Variants in UGT2B17 observed in about 807,000 individuals in gnomAD.
The protein encoded by UGT2B17 is UDP glucuronosyltransferase family 2 member B17, also known as UDP-glucuronosyltransferase 2B17.
UGT2B17 carries 21 observed loss-of-function variants against 48.2 expected under a neutral mutation model. The observed-to-expected ratio is 0.44, with a 90% confidence interval of 0.31 to 0.63. The LOEUF (loss-of-function observed/expected upper bound fraction) is 0.63, where lower values mean the gene tolerates loss of function less well. Ranked by LOEUF, UGT2B17 falls within the 20% of genes least tolerant of loss-of-function variation. UGT2B17 has a pLI of 0.08. For missense variants in UGT2B17, 402 were observed against 696.1 expected, an observed-to-expected ratio of 0.58 and a Z score of 4.75; for synonymous variants, 146 against 238.4, an observed-to-expected ratio of 0.61 and a Z score of 3.57.
In UGT2B17 at chr4:68,566,037, A is replaced by C; in HGVS notation, c.725-317T>G. Among the ~76,000 whole-genome samples, 2 of 118,446 alleles carry C rather than the reference A, an allele frequency of 1.7e-5. 1 individual carries two copies. The highest frequency in any genetic ancestry group is 3.5e-5 in the Non-Finnish European group (2 of 57,624). The allele number at this position is 118,446 out of a possible 152,430, so 77.7% of individuals were successfully genotyped here. ...TAATATTTAATAAAGTTTAATATTT[A>C]ATATTAATAAAATTTTATTAATTTT... On this transcript the variant is annotated intron_variant, in intron 2 of 6. Transcript: ENST00000317746.
intron 1 of UGT2B17, among the ~76,000 whole-genome samples, chr4:68,570,616 A>T (rs1160155055): frequency 7.9e-6 from 1 of 125,810 alleles, no homozygotes; most frequent in East Asian, 7.6e-4. Flanking sequence ...TTTTTTACTT[A>T]TGTCTTTTTG....
chr4:68,568,322 C>G lies in UGT2B17; in HGVS notation c.163G>C (p.Val55Leu). Residue 55 changes from valine to leucine, a missense_variant, in exon 2 of 7, where the codon GTG becomes CTG. By Grantham distance (32) the Val-to-Leu change is conservative. Coordinates refer to ENST00000317746, the MANE Select transcript of UGT2B17 (RefSeq NM_001077.4). Reference sequence around the variant, plus strand: ...AGAATAGAAGCCGAAGATGTCAACACAATCACCTCATGACCCCTCTGAACA... The same window carrying G: ...AGAATAGAAGCCGAAGATGTCAACAGAATCACCTCATGACCCCTCTGAACA... ...ELVQRGHEVI[V>L]LTSSASILVN... 7.3e-7 allele frequency: 1 copy of G among 1,379,196 alleles called. No individual in the cohort carries two copies. The allele number at this position is 1,379,196 out of a possible 1,614,324, so 85.4% of individuals were successfully genotyped here. A position where few individuals can be genotyped will look rare whatever the true frequency, so the allele number is the denominator to read the frequency against.
intron 1 of UGT2B17, among the ~76,000 whole-genome samples, chr4:68,570,902 T>TA (rs1196300238): frequency 7.9e-6 from 1 of 126,674 alleles, no homozygotes; most frequent in Non-Finnish European, 1.7e-5. Flanking sequence ...ATGTCTTTAA[T>TA]AACTTGCCTG....
chr4:68,538,245 T>TA (rs11407631), intron 6 of UGT2B17, among the ~76,000 whole-genome samples: 108,802 of 121,596 alleles, frequency 0.89, 51,676 homozygotes, highest in Non-Finnish European at 0.99. Context: ...TTTTAGTTTT[T>TA]TTTTTTTTTG....
intron 6 of UGT2B17, among the ~76,000 whole-genome samples, chr4:68,540,727 C>A (rs1336087785): frequency 1.6e-5 from 2 of 125,872 alleles, no homozygotes; most frequent in African/African-American, 5.4e-5. Flanking sequence ...TGGTTTGCAG[C>A]ACCTATCAAT....
Position 68,550,628 on chromosome 4 carries a change from G to C in UGT2B17, c.1313+49C>G. On this transcript the variant is annotated intron_variant, in intron 6 of 6. Transcript: ENST00000317746. Reference sequence around the variant, plus strand: ...AGGGTTCAAACTCATATTCACTGTTGACAAAATAATTTGTAAGTACCACCT... The same window carrying C: ...AGGGTTCAAACTCATATTCACTGTTCACAAAATAATTTGTAAGTACCACCT... 3 of 1,300,936 alleles carry C rather than the reference G, an allele frequency of 2.3e-6. 1 individual carries two copies. The highest frequency in any genetic ancestry group is 3.0e-6 in the Non-Finnish European group (3 of 994,488). The allele number at this position is 1,300,936 out of a possible 1,614,324, so 80.6% of individuals were successfully genotyped here. A position where few individuals can be genotyped will look rare whatever the true frequency, so the allele number is the denominator to read the frequency against.
chr4:68,545,140 C>T (rs1339744978), intron 6 of UGT2B17, among the ~76,000 whole-genome samples: 1 of 125,816 alleles, frequency 7.9e-6, no homozygotes, highest in Non-Finnish European at 1.7e-5. Context: ...AGCACCACAC[C>T]ACACCAACTC....
At chr4:68,550,608 T>C (rs1730896033) in intron 6 of UGT2B17, 69 bp downstream of exon 6, 2 of 1,192,702 alleles carry the variant, frequency 1.7e-6, no homozygotes, top group African/African-American at 1.5e-5. Flanking sequence ...AACAAAGGGT[T>C]CAAACTCATA....
At chr4:68,545,179 G>A (rs1367519960) in intron 6 of UGT2B17, among the ~76,000 whole-genome samples, 1 of 125,700 alleles carries the variant, frequency 8.0e-6, no homozygotes, top group African/African-American at 2.7e-5. Context: ...TGGAAGTAAA[G>A]CACTCCTCAG....
chr4:68,553,924 G>T (rs1730958792), intron 4 of UGT2B17, among the ~76,000 whole-genome samples: 1 of 123,328 alleles, frequency 8.1e-6, no homozygotes, highest in Non-Finnish European at 1.7e-5. Context: ...CAGGCAAAAG[G>T]CACCCCTAAG....
intron 4 of UGT2B17, among the ~76,000 whole-genome samples, chr4:68,559,073 A>G (rs1174501708): frequency 8.0e-6 from 1 of 125,646 alleles, no homozygotes; most frequent in African/African-American, 2.7e-5. Flanking sequence ...AATAACCTAT[A>G]TATTTATTTT....
chr4:68,557,350 T>C (rs1207970676), intron 4 of UGT2B17, among the ~76,000 whole-genome samples: 1 of 124,520 alleles, frequency 8.0e-6, no homozygotes, highest in Non-Finnish European at 1.7e-5. Context: ...AAAAAGTTTT[T>C]GATAATTTTG....
chr4:68,568,509 T>C lies in UGT2B17; in HGVS notation c.-25A>G, dbSNP rs72551388. ...TCCTGGTCTTATGCAGTGCTTCTTT[T>C]CCAGTTGTTGTTTCTTTCTGTCATT... On this transcript the variant is annotated 5_prime_UTR_variant, in exon 2 of 7. Transcript: ENST00000317746. 2.2e-3 allele frequency: 2,858 copies of C among 1,295,380 alleles called. 598 individuals are homozygous for C. In the African/African-American group the frequency reaches 0.04, roughly 18 times the overall value. The allele number at this position is 1,295,380 out of a possible 1,614,324, so 80.2% of individuals were successfully genotyped here.
At position 68,566,437 on chromosome 4, in the gene UGT2B17, C is replaced by T. The variant is rs1318367618; in HGVS notation, c.725-717G>A. Among the ~76,000 whole-genome samples the T allele has an allele frequency of 1.7e-5, 2 of 118,646 alleles. 1 individual carries two copies. The highest frequency in any genetic ancestry group is 1.6e-3 in the East Asian group (2 of 1,218). 77.8% of individuals were successfully genotyped at this position (118,646 alleles called of 152,430 possible). A position where few individuals can be genotyped will look rare whatever the true frequency, so the allele number is the denominator to read the frequency against. The stretch of plus-strand genomic sequence containing the variant: ...TATAATCCCCATAATCCCCATGTGT[C>T]GAGGGAGGGACCCAGTGGCAGGTGA... On this transcript the variant is annotated intron_variant, in intron 2 of 6. Transcript: ENST00000317746.
chr4:68,572,233 C>T lies in UGT2B17; in HGVS notation c.-64-3685G>A, dbSNP rs138508612. Among the ~76,000 whole-genome samples the T allele has an allele frequency of 5.0e-4, 63 of 125,924 alleles. 11 individuals carry two copies. The highest frequency in any genetic ancestry group is 1.2e-3 in the African/African-American group (45 of 36,848). 82.6% of individuals were successfully genotyped at this position (125,924 alleles called of 152,430 possible). ...GTTTCATGCTGCTTACTATTAATAG[C>T]GGCACAAGTGTCAAATTTTAAGGTT... On this transcript the variant is annotated intron_variant, in intron 1 of 6. Transcript: ENST00000317746.
At position 68,538,408 on chromosome 4, in the gene UGT2B17, T is replaced by A. The variant is rs1306648891; in HGVS notation, c.1314-504A>T. Reference sequence around the variant, plus strand: ...CACCACCATGCCTGGCTATATTTTTTATTTTTTACATTTTTAGATATGAGG... The same window carrying A: ...CACCACCATGCCTGGCTATATTTTTAATTTTTTACATTTTTAGATATGAGG... On this transcript the variant is annotated intron_variant, in intron 6 of 6. Coordinates refer to ENST00000317746, the MANE Select transcript of UGT2B17 (RefSeq NM_001077.4). 1.6e-5 allele frequency among the ~76,000 whole-genome samples: 2 copies of A among 124,062 alleles called. 1 individual carries two copies. Among genetic ancestry groups the A allele is most frequent in the Non-Finnish European group, 3.4e-5 (2 of 59,034 alleles). The allele number at this position is 124,062 out of a possible 152,430, so 81.4% of individuals were successfully genotyped here.
intron 6 of UGT2B17, among the ~76,000 whole-genome samples, chr4:68,541,692 T>C (rs1285744107): frequency 7.9e-6 from 1 of 126,926 alleles, no homozygotes; most frequent in African/African-American, 2.7e-5. Flanking sequence ...TAATTGCTTT[T>C]GGTGTTTGTG....
At chr4:68,552,898 T>A (rs1189943636) in intron 4 of UGT2B17, among the ~76,000 whole-genome samples, 1 of 124,510 alleles carries the variant, frequency 8.0e-6, no homozygotes, top group Non-Finnish European at 1.7e-5. Context: ...ATTTCCTGTT[T>A]CCATGACAAT....
At chr4:68,553,802 T>C (rs1730956183) in intron 4 of UGT2B17, among the ~76,000 whole-genome samples, 1 of 120,994 alleles carries the variant, frequency 8.3e-6, no homozygotes, top group Non-Finnish European at 1.7e-5. Flanking sequence ...CCCAAATTAA[T>C]CTCATTTGGC....
Sources: gnomAD v4.1 joint callset for allele counts (sites outside exome capture counted in the v4.1 genomes callset) on GRCh38, gnomAD v4.1.1 for gene constraint, MANE v1.5 for transcripts, NCBI Gene and HGNC (gene_info 2026-07-23, HGNC 2026-07-21) for gene names.